The following SHCBP1 variants were observed in gnomAD, a reference collection of about 807,000 sequenced individuals.
SHCBP1 encodes the protein SHC SH2 domain-binding protein 1.
A neutral mutation model predicts 75.1 loss-of-function variants in SHCBP1; 60 were observed. That is an observed-to-expected ratio of 0.80 (90% CI 0.65 to 0.99). The LOEUF (loss-of-function observed/expected upper bound fraction) is 0.99. Among genes scored for constraint, SHCBP1 ranks in the 50% least tolerant of loss-of-function variants. The pLI is 0.00. For missense variants in SHCBP1, 709 were observed against 809.4 expected (o/e 0.88, Z 1.50); for synonymous variants, 290 against 293.2 (o/e 0.99, Z 0.11).
chr16:46,598,829 C>T (rs1332105167), intron 9 of SHCBP1, among the ~76,000 whole-genome samples: 3 of 152,214 alleles, frequency 2.0e-5, no homozygotes, highest in African/African-American at 7.2e-5. Flanking sequence ...CATCGATTAC[C>T]TTAGCTAGAT....
Position 46,581,786 on chromosome 16 carries a change from A to G in SHCBP1, c.1962T>C (p.Ile654=), listed in dbSNP as rs1198991145. ...CATTCCACTTGAACTGGTTCCCCAC[A>G]ATCCCAACAAACATCTCCTGTGACA... ...NLMSQEMFVG[I]VGNQFKWNGK... The change falls in exon 13 of 13, where the codon ATT becomes ATC. Residue 654 remains isoleucine (I), a synonymous_variant. Transcript: ENST00000303383. The G allele has an allele frequency of 6.2e-7, 1 of 1,614,214 alleles. No individual in the cohort carries two copies.
At position 46,618,381 on chromosome 16, in the gene SHCBP1, A is replaced by T. The variant is rs769786353; in HGVS notation, c.104-9T>A. ...TTCATCTTGGAACAAACCTAAAAAA[A>T]AAAAGCAAAAATAAGCAAGCTCCAG... On this transcript the variant is annotated splice_polypyrimidine_tract_variant and intron_variant, in intron 1 of 12. Coordinates refer to ENST00000303383, the MANE Select transcript of SHCBP1 (RefSeq NM_024745.5). 6.4e-7 allele frequency: 1 copy of T among 1,570,864 alleles called. No homozygotes were observed. The highest frequency in any genetic ancestry group is 2.0e-5 in the Admixed American group (1 of 48,788).
chr16:46,592,277 A>G (rs1008685490), intron 10 of SHCBP1, among the ~76,000 whole-genome samples: 2 of 152,172 alleles, frequency 1.3e-5, no homozygotes, highest in African/African-American at 2.4e-5. Context: ...GATCATTACT[A>G]TATACCCTGC....
intron 10 of SHCBP1, among the ~76,000 whole-genome samples, chr16:46,588,715 G>A (rs900632150): frequency 1.3e-5 from 2 of 152,106 alleles, no homozygotes; most frequent in Non-Finnish European, 2.9e-5. Context: ...AGGACCAGAC[G>A]GATTCACAGC....
chr16:46,590,038 TTGACAAACC>T (rs1177540440), intron 10 of SHCBP1, among the ~76,000 whole-genome samples: 2 of 152,162 alleles, frequency 1.3e-5, no homozygotes, highest in Non-Finnish European at 2.9e-5. Context: ...CATCTGATCT[TTGACAAACC>T]TGACAAAAAC....
At chr16:46,606,694 A>T (rs1273735276) in intron 5 of SHCBP1, among the ~76,000 whole-genome samples, 2 of 152,244 alleles carry the variant, frequency 1.3e-5, no homozygotes, top group Non-Finnish European at 2.9e-5. Flanking sequence ...TGAATATGCT[A>T]TGGAAAAATA....
intron 1 of SHCBP1, 94 bp downstream of exon 1, chr16:46,621,163 C>T (rs963942868): frequency 2.6e-6 from 3 of 1,166,438 alleles, no homozygotes; most frequent in Non-Finnish European, 3.6e-6. Context: ...ACAGACGGGT[C>T]CGGAAGGCCC....
Position 46,595,614 on chromosome 16 carries a change from C to T in SHCBP1, c.1402G>A (p.Gly468Arg), listed in dbSNP as rs745407076. The T allele has an allele frequency of 2.5e-6, 4 of 1,614,022 alleles. No individual in the cohort carries two copies. The highest frequency in any genetic ancestry group is 1.7e-5 in the Admixed American group (1 of 59,992). The change falls in exon 10 of 13, where the codon GGA (glycine) becomes AGA (arginine). Residue 468 changes from glycine (G) to arginine (R), a missense_variant. Gly to Arg is a moderately radical substitution (Grantham distance 125, BLOSUM62 -2). Coordinates refer to ENST00000303383, the MANE Select transcript of SHCBP1 (RefSeq NM_024745.5). ...TCTGCTGATGTCCGCACTGTGACTC[C>T]GGTCGTCTCACACTGCAGCACACAG... ...ENCVLQCETT[G>R]VTVRTSAEFL... is the part of the protein sequence containing the mutation.
At chr16:46,588,861 C>T (rs1447007707) in intron 10 of SHCBP1, among the ~76,000 whole-genome samples, 1 of 152,072 alleles carries the variant, frequency 6.6e-6, no homozygotes, top group Non-Finnish European at 1.5e-5. Flanking sequence ...CTGGCAGAGA[C>T]ACAACAAAAA....
At chr16:46,607,333 A>G (rs893937660) in intron 5 of SHCBP1, among the ~76,000 whole-genome samples, 75 of 152,158 alleles carry the variant, frequency 4.9e-4, no homozygotes, top group Non-Finnish European at 3.7e-4. Context: ...CAGCCTGGGC[A>G]ACAGAGTGAG....
chr16:46,620,000 G>A (rs1965560152), intron 1 of SHCBP1, among the ~76,000 whole-genome samples: 1 of 152,046 alleles, frequency 6.6e-6, no homozygotes, highest in Non-Finnish European at 1.5e-5. Flanking sequence ...GTGTGCCACT[G>A]CACTCCAGCC....
chr16:46,607,621 AT>A (rs1003211421), intron 5 of SHCBP1, among the ~76,000 whole-genome samples: 6 of 152,110 alleles, frequency 3.9e-5, no homozygotes, highest in Admixed American at 3.9e-4. Flanking sequence ...TTCTACAATT[AT>A]TTTTTTGGAG....
chr16:46,603,480 T>A, intron 8 of SHCBP1, 59 bp downstream of exon 8: 1 of 1,603,204 alleles, frequency 6.2e-7, no homozygotes, highest in Non-Finnish European at 8.5e-7. Flanking sequence ...GATTGGTGAT[T>A]TATTGTTTAC....
Position 46,604,343 on chromosome 16 carries a change from T to C in SHCBP1, c.808A>G (p.Asn270Asp), listed in dbSNP as rs961348785. The change falls in exon 6 of 13, where the codon AAT (asparagine) becomes GAT (aspartate). Residue 270 changes from asparagine (N) to aspartate (D), a missense_variant. Coordinates refer to ENST00000303383, the MANE Select transcript of SHCBP1 (RefSeq NM_024745.5). ...TCCTGCTCGGAATCAGAGTTACAATTTGACAAACTGCTTCTCAGATTTAAA... is the reference window on the plus strand; with the variant it reads ...TCCTGCTCGGAATCAGAGTTACAATCTGACAAACTGCTTCTCAGATTTAAA... ...KFLNLRSSLS[N>D]CNSDSEQENI... The C allele has an allele frequency of 1.9e-6, 3 of 1,614,216 alleles. No individual in the cohort carries two copies. Among genetic ancestry groups the C allele is most frequent in the Non-Finnish European group, 1.7e-6 (2 of 1,180,034 alleles).
At position 46,581,959 on chromosome 16, in the gene SHCBP1, C is replaced by G. The variant is rs759269642; in HGVS notation, c.1789G>C (p.Glu597Gln). 1 of 1,614,068 alleles carries G rather than the reference C, an allele frequency of 6.2e-7. No individual in the cohort carries two copies. Among genetic ancestry groups the G allele is most frequent in the African/African-American group, 1.3e-5 (1 of 74,930 alleles). The change falls in exon 13 of 13, where the codon GAG (glutamate) becomes CAG (glutamine). Residue 597 changes from glutamate to glutamine, a missense_variant. Glu to Gln is a conservative substitution (Grantham distance 29). Coordinates refer to ENST00000303383, the MANE Select transcript of SHCBP1 (RefSeq NM_024745.5). ...ELIECATGKMELCARTDPSEQ... is the reference protein window; with the variant it reads ...ELIECATGKMQLCARTDPSEQ... ...GAAGGGTCAGTTCTTGCACAAAGCT[C>G]CATTTTACCAGTTGCACACTCAATC...
Position 46,602,091 on chromosome 16 carries a change from T to C in SHCBP1, c.1213+1448A>G, listed in dbSNP as rs563115617. Among the ~76,000 whole-genome samples, 5 of 152,310 alleles carry C rather than the reference T, an allele frequency of 3.3e-5. No homozygotes were observed. In the South Asian group the frequency reaches 1.0e-3, roughly 32 times the overall value. ...CCATTTTTATACTTAACTATCAGCA[T>C]TCTATATGTCCATTTATGACACTCT... On this transcript the variant is annotated intron_variant, in intron 8 of 12. Coordinates refer to ENST00000303383, the MANE Select transcript of SHCBP1 (RefSeq NM_024745.5).
At chr16:46,593,276 T>C (rs1389024327) in intron 10 of SHCBP1, among the ~76,000 whole-genome samples, 1 of 152,128 alleles carries the variant, frequency 6.6e-6, no homozygotes, top group East Asian at 1.9e-4. Flanking sequence ...GGATATAGCA[T>C]AAACATATAA....
At chr16:46,603,228 C>T (rs1450152572) in intron 8 of SHCBP1, among the ~76,000 whole-genome samples, 1 of 151,806 alleles carries the variant, frequency 6.6e-6, no homozygotes, top group Non-Finnish European at 1.5e-5. Flanking sequence ...TTTTTTAATT[C>T]TAGAAATTAG....
rs758217756 is a variant in SHCBP1 at position 46,581,686 on chromosome 16, T to A, written c.*43A>T. 1 of 1,521,074 alleles carries A rather than the reference T, an allele frequency of 6.6e-7. No individual in the cohort carries two copies. Among genetic ancestry groups the A allele is most frequent in the Non-Finnish European group, 9.0e-7 (1 of 1,110,468 alleles). 94.2% of individuals were successfully genotyped at this position (1,521,074 alleles called of 1,614,324 possible). A position where few individuals can be genotyped will look rare whatever the true frequency, so the allele number is the denominator to read the frequency against. ...GGCAGCAGTGATTCTTAGGGCAGCA[T>A]GTGCAAAATCCAGTATTTTGCTATC... is the stretch of plus-strand genomic sequence containing the variant. On this transcript the variant is annotated 3_prime_UTR_variant, in exon 13 of 13. Coordinates refer to ENST00000303383, the MANE Select transcript of SHCBP1 (RefSeq NM_024745.5).
Sources: gnomAD v4.1 joint callset for allele counts (sites outside exome capture counted in the v4.1 genomes callset) on GRCh38, gnomAD v4.1.1 for gene constraint, MANE v1.5 for transcripts, NCBI Gene and HGNC (gene_info 2026-07-23, HGNC 2026-07-21) for gene names.